HMBOX1: variants seen among roughly 807,000 people sequenced by gnomAD.
The protein encoded by HMBOX1 is homeobox-containing protein 1.
HMBOX1 carries 14 observed loss-of-function variants against 54.5 expected under a neutral mutation model. The ratio of observed to expected loss-of-function variants is 0.26; its 90% confidence interval spans 0.17 to 0.40. The LOEUF is 0.40. HMBOX1 is among the 10% of genes least tolerant of loss of function. The pLI, the probability that HMBOX1 is intolerant of heterozygous loss-of-function variation, is 1.00. For missense variants in HMBOX1, 332 were observed against 514.4 expected (o/e 0.65, Z 3.43); for synonymous variants, 160 against 181.0 (o/e 0.88, Z 0.93).
intron 1 of HMBOX1, among the ~76,000 whole-genome samples, chr8:28,910,692 G>T (rs1012153257): frequency 2.6e-5 from 4 of 152,022 alleles, no homozygotes; most frequent in African/African-American, 9.7e-5. Flanking sequence ...ATCTATTCAG[G>T]TATTTGCTCA....
Position 28,958,927 on chromosome 8 carries a change from A to T in HMBOX1, c.-57-4884A>T, listed in dbSNP as rs1235946996. On this transcript the variant is annotated intron_variant, in intron 1 of 9. Transcript: ENST00000287701. ...ATTGGATTATGTTGATTTCCTAAAGATGGACCACTCTTGCATTTCTGCGTA... is the reference window on the plus strand; with the variant it reads ...ATTGGATTATGTTGATTTCCTAAAGTTGGACCACTCTTGCATTTCTGCGTA... 2.0e-5 allele frequency among the ~76,000 whole-genome samples: 3 copies of T among 152,256 alleles called. No homozygotes were observed. The East Asian group carries it at 5.8e-4, about 29-fold the overall frequency.
chr8:28,908,836 G>A (rs1034566831), intron 1 of HMBOX1, among the ~76,000 whole-genome samples: 1 of 152,114 alleles, frequency 6.6e-6, no homozygotes, highest in African/African-American at 2.4e-5. Context: ...GCTCCTCCCT[G>A]TAATTTCAGT....
At chr8:28,967,618 T>C (rs1286218130) in intron 2 of HMBOX1, among the ~76,000 whole-genome samples, 6 of 152,182 alleles carry the variant, frequency 3.9e-5, no homozygotes, top group Admixed American at 3.9e-4. Context: ...GTTATTGAAG[T>C]CATCTAAAGT....
chr8:28,960,320 T>C (rs1825232215), intron 1 of HMBOX1, among the ~76,000 whole-genome samples: 1 of 146,320 alleles, frequency 6.8e-6, no homozygotes, highest in African/African-American at 2.8e-5. Context: ...TGTGGTTTCT[T>C]CTTTGATCCA....
intron 1 of HMBOX1, among the ~76,000 whole-genome samples, chr8:28,918,615 A>G (rs993334815): frequency 2.6e-5 from 4 of 152,220 alleles, no homozygotes; most frequent in African/African-American, 9.6e-5. Context: ...TTTAACCTCT[A>G]TAGGGTCTCT....
intron 4 of HMBOX1, among the ~76,000 whole-genome samples, chr8:28,990,112 C>T (rs1000296836): frequency 1.3e-5 from 2 of 152,090 alleles, no homozygotes; most frequent in Non-Finnish European, 2.9e-5. Flanking sequence ...ATTTTCTATA[C>T]AATCATGTTA....
intron 5 of HMBOX1, chr8:29,009,835 G>T (rs1372812542): frequency 8.2e-7 from 1 of 1,215,238 alleles, no homozygotes; most frequent in African/African-American, 1.6e-5. Context: ...ATTTTATAAA[G>T]TGAAATCTGA....
intron 2 of HMBOX1, 71 bp from the exon 3 acceptor site, chr8:28,969,972 G>C: frequency 3.3e-6 from 3 of 920,226 alleles, no homozygotes; most frequent in Non-Finnish European, 5.1e-6. Context: ...CATCTTCTGA[G>C]CATTCTGTAT....
At chr8:29,022,937 G>A (rs2133059027) in intron 6 of HMBOX1, among the ~76,000 whole-genome samples, 1 of 152,104 alleles carries the variant, frequency 6.6e-6, no homozygotes, top group South Asian at 2.1e-4. Context: ...TATCAAAATA[G>A]TGCCTTAAAC....
chr8:29,013,022 A>G (rs1006098903), intron 5 of HMBOX1, among the ~76,000 whole-genome samples: 5 of 152,238 alleles, frequency 3.3e-5, no homozygotes, highest in Non-Finnish European at 7.3e-5. Context: ...ATGAAAAACT[A>G]CTTTTTCTTT....
At chr8:28,978,136 T>C (rs538931708) in intron 3 of HMBOX1, among the ~76,000 whole-genome samples, 2 of 152,290 alleles carry the variant, frequency 1.3e-5, no homozygotes, top group East Asian at 3.9e-4. Flanking sequence ...GAGCTACAGA[T>C]TGGAAACTCA....
chr8:29,043,464 T>C (rs898017718), intron 6 of HMBOX1, among the ~76,000 whole-genome samples: 4 of 152,366 alleles, frequency 2.6e-5, no homozygotes, highest in South Asian at 2.1e-4. Flanking sequence ...CCACAGGATA[T>C]TGACTTACAT....
chr8:28,906,670 A>G (rs1585692266), intron 1 of HMBOX1, among the ~76,000 whole-genome samples: 2 of 152,076 alleles, frequency 1.3e-5, no homozygotes, highest in Admixed American at 1.3e-4. Flanking sequence ...GCTCACTGCA[A>G]CCTCCGCCTC....
Position 29,051,357 on chromosome 8 carries a change from T to TAATAACC in HMBOX1, c.*204_*205insTAACCAA, listed in dbSNP as rs1806407158. ...CTCAGTATTAACTCCCAGTAAATAA[T>TAATAACC]AACCAACCAACCAACCAAACTTCCC... On this transcript the variant is annotated 3_prime_UTR_variant, in exon 10 of 10. Transcript: ENST00000287701. 1.6e-6 allele frequency: 1 copy of TAATAACC among 625,826 alleles called. No individual in the cohort carries two copies. The allele number at this position is 625,826 out of a possible 1,614,324, so 38.8% of individuals were successfully genotyped here.
intron 1 of HMBOX1, among the ~76,000 whole-genome samples, chr8:28,902,777 C>G (rs1381074850): frequency 6.6e-6 from 1 of 152,042 alleles, no homozygotes; most frequent in Non-Finnish European, 1.5e-5. Context: ...GCAGGCCTGC[C>G]TGTGTTGGAG....
intron 3 of HMBOX1, among the ~76,000 whole-genome samples, chr8:28,977,911 T>C (rs1828689288): frequency 6.7e-6 from 1 of 148,234 alleles, no homozygotes; most frequent in Non-Finnish European, 1.5e-5. Flanking sequence ...GCTACTGCAC[T>C]CCAGCCTGGG....
intron 3 of HMBOX1, among the ~76,000 whole-genome samples, chr8:28,975,506 A>G (rs1828217915): frequency 6.6e-6 from 1 of 152,222 alleles, no homozygotes; most frequent in African/African-American, 2.4e-5. Context: ...TTATAAAAAT[A>G]ATGGCAATGG....
intron 1 of HMBOX1, among the ~76,000 whole-genome samples, chr8:28,962,292 T>G (rs1274253177): frequency 6.6e-6 from 1 of 152,226 alleles, no homozygotes; most frequent in African/African-American, 2.4e-5. Context: ...GAAATATAAC[T>G]GACATAATTC....
intron 7 of HMBOX1, chr8:29,046,515 A>T (rs894905437): frequency 6.6e-6 from 1 of 152,260 alleles, no homozygotes; most frequent in Admixed American, 6.5e-5. Flanking sequence ...CTAAAATGCA[A>T]CTTGAATTGT....
Sources: gnomAD v4.1 joint callset for allele counts (sites outside exome capture counted in the v4.1 genomes callset) on GRCh38, gnomAD v4.1.1 for gene constraint, MANE v1.5 for transcripts, NCBI Gene and HGNC (gene_info 2026-07-23, HGNC 2026-07-21) for gene names.